OR3A2: variants seen among roughly 807,000 people sequenced by gnomAD.
The protein encoded by OR3A2 is olfactory receptor 3A2.
For missense variants in OR3A2, 318 were observed against 392.8 expected (o/e 0.81, Z 1.61); for synonymous variants, 126 against 159.3 (o/e 0.79, Z 1.57).
intron 2 of OR3A2, among the ~76,000 whole-genome samples, chr17:3,356,965 G>A (rs1432931482): frequency 6.6e-6 from 1 of 151,482 alleles, no homozygotes; most frequent in Non-Finnish European, 1.5e-5. Context: ...TTTTAACTAA[G>A]CCTGAATCAA....
chr17:3,312,902 G>C (rs142070688), intron 3 of OR3A2, among the ~76,000 whole-genome samples: 1 of 152,182 alleles, frequency 6.6e-6, no homozygotes, highest in Non-Finnish European at 1.5e-5. Context: ...GAGATTACAG[G>C]TGTGAGTCAC....
At chr17:3,363,536 T>A (rs2049536600) in intron 2 of OR3A2, among the ~76,000 whole-genome samples, 1 of 151,790 alleles carries the variant, frequency 6.6e-6, no homozygotes, top group African/African-American at 2.4e-5. Flanking sequence ...TCGACAAGTC[T>A]CTATGAAGTT....
rs146360691 is a variant in OR3A2, at chr17:3,344,535, T to C, written c.-178-8409A>G. 4.6e-5 allele frequency among the ~76,000 whole-genome samples: 7 copies of C among 152,234 alleles called. No individual in the cohort carries two copies. The East Asian group carries it at 1.4e-3, about 29-fold the overall frequency. ...TCTTCTGGGAGTTCTCTTGCCCTCC[T>C]CCAGGAAAGGGATTTCTTTGCCTGC... On this transcript the variant is annotated intron_variant, in intron 2 of 4. Coordinates refer to the OR3A2 transcript ENST00000573491.
chr17:3,280,340 C>T (rs1321892181), intron 1 of OR3A2, among the ~76,000 whole-genome samples: 11 of 151,132 alleles, frequency 7.3e-5, no homozygotes, highest in African/African-American at 1.2e-4. Context: ...GGCGCGATCT[C>T]GGCTCACTGC....
chr17:3,280,232 A>G (rs2048768668), intron 1 of OR3A2, among the ~76,000 whole-genome samples: 1 of 151,896 alleles, frequency 6.6e-6, no homozygotes, highest in South Asian at 2.1e-4. Flanking sequence ...TGAAATGACG[A>G]AGGCATGTAC....
chr17:3,321,805 C>G lies in OR3A2; in HGVS notation c.-85+14228G>C, dbSNP rs533501962. Among the ~76,000 whole-genome samples, 48 of 152,238 alleles carry G rather than the reference C, an allele frequency of 3.2e-4. No homozygotes were observed. The East Asian group carries it at 7.7e-3, about 24-fold the overall frequency. On this transcript the variant is annotated intron_variant, in intron 3 of 4. Transcript: ENST00000573491. ...GCCAGTATTTTATTGAGGATTTTTG[C>G]ATCAATGTTCATCAAGGATATTGGT...
At chr17:3,287,184 C>T (rs2048820619), upstream of OR3A2, among the ~76,000 whole-genome samples, 1 of 152,174 alleles carries the variant, frequency 6.6e-6, no homozygotes, top group South Asian at 2.1e-4. Flanking sequence ...GGGGACATCA[C>T]TCAAATAATG....
At chr17:3,330,002 T>G (rs1471782400) in intron 3 of OR3A2, among the ~76,000 whole-genome samples, 1 of 146,932 alleles carries the variant, frequency 6.8e-6, no homozygotes, top group African/African-American at 2.7e-5. Flanking sequence ...GTTGTTCAGT[T>G]TCCATGTAGT....
intron 2 of OR3A2, among the ~76,000 whole-genome samples, chr17:3,363,425 A>G (rs1261675761): frequency 6.6e-6 from 1 of 151,698 alleles, no homozygotes; most frequent in East Asian, 1.9e-4. Flanking sequence ...AGCAAGAGTA[A>G]CCTTTACTCC....
At chr17:3,295,175 G>A (rs2048909503) in intron 3 of OR3A2, among the ~76,000 whole-genome samples, 1 of 152,180 alleles carries the variant, frequency 6.6e-6, no homozygotes, top group Non-Finnish European at 1.5e-5. Context: ...AAAGGAGATA[G>A]GAGGACGTAT....
chr17:3,374,290 C>T (rs373503729), intron 2 of OR3A2, among the ~76,000 whole-genome samples: 13 of 152,158 alleles, frequency 8.5e-5, no homozygotes, highest in Admixed American at 2.0e-4. Flanking sequence ...ATGATCTTTT[C>T]GCAATGAATT....
At chr17:3,331,357 CG>C (rs1369023609) in intron 3 of OR3A2, among the ~76,000 whole-genome samples, 4 of 152,074 alleles carry the variant, frequency 2.6e-5, no homozygotes, top group Admixed American at 2.6e-4. Flanking sequence ...TACACCAATC[CG>C]ACGTAGATTT....
At chr17:3,385,436 AGAT>A (rs1424043327) in intron 1 of OR3A2, among the ~76,000 whole-genome samples, 2 of 152,312 alleles carry the variant, frequency 1.3e-5, no homozygotes, top group South Asian at 2.1e-4. Flanking sequence ...ACAGATGGAT[AGAT>A]GATAGAGGAG....
intron 1 of OR3A2, among the ~76,000 whole-genome samples, chr17:3,280,432 C>T (rs1009614111): frequency 2.0e-5 from 3 of 151,746 alleles, no homozygotes; most frequent in South Asian, 4.2e-4. Context: ...CCACCACGCC[C>T]GGCTAATTTT....
chr17:3,333,646 G>A (rs1160624093), intron 3 of OR3A2, among the ~76,000 whole-genome samples: 1 of 151,872 alleles, frequency 6.6e-6, no homozygotes, highest in African/African-American at 2.4e-5. Context: ...AACACTTAGG[G>A]AAAATAGAAA....
At chr17:3,379,241 G>A (rs2049712541) in intron 2 of OR3A2, among the ~76,000 whole-genome samples, 1 of 152,216 alleles carries the variant, frequency 6.6e-6, no homozygotes, top group South Asian at 2.1e-4. Flanking sequence ...ACTGTCCTCA[G>A]GAGAAACTGG....
chr17:3,342,991 C>A (rs9899523), intron 2 of OR3A2, among the ~76,000 whole-genome samples: 1 of 152,188 alleles, frequency 6.6e-6, no homozygotes, highest in Non-Finnish European at 1.5e-5. Flanking sequence ...CCAGGCTTGC[C>A]GCCTTGCAGT....
intron 3 of OR3A2, among the ~76,000 whole-genome samples, chr17:3,319,573 G>A (rs1019778221): frequency 6.6e-6 from 1 of 151,800 alleles, no homozygotes; most frequent in South Asian, 2.1e-4. Context: ...TCCCCTTCCG[G>A]GTCCATGTGT....
intron 2 of OR3A2, among the ~76,000 whole-genome samples, chr17:3,366,126 T>C (rs965587507): frequency 1.3e-5 from 2 of 152,198 alleles, no homozygotes; most frequent in Non-Finnish European, 2.9e-5. Context: ...CAAGTTAACA[T>C]GTGCAAAGGG....
Sources: gnomAD v4.1 joint callset for allele counts (sites outside exome capture counted in the v4.1 genomes callset) on GRCh38, gnomAD v4.1.1 for gene constraint, MANE v1.5 for transcripts, NCBI Gene and HGNC (gene_info 2026-07-23, HGNC 2026-07-21) for gene names.